The following ZNRF1 variants were observed in gnomAD, a reference collection of about 807,000 sequenced individuals.
ZNRF1 encodes zinc and ring finger 1, also known as E3 ubiquitin-protein ligase ZNRF1.
A neutral mutation model predicts 18.4 loss-of-function variants in ZNRF1; 3 were observed. That is an observed-to-expected ratio of 0.16 (90% CI 0.07 to 0.42). ZNRF1 has a LOEUF of 0.42. ZNRF1 is among the 10% of genes least tolerant of loss of function. ZNRF1 has a pLI of 0.99. For missense variants in ZNRF1, 310 were observed against 329.8 expected (o/e 0.94, Z 0.47); for synonymous variants, 157 against 144.2 (o/e 1.09, Z -0.64).
rs1203199183 is a variant in ZNRF1 at position 75,085,803 on chromosome 16, A to AGAGAGAGAGG, written c.425-7760_425-7759insGGAGAGAGAG. Among the ~76,000 whole-genome samples, 13 of 146,918 alleles carry AGAGAGAGAGG rather than the reference A, an allele frequency of 8.8e-5. 1 individual carries two copies. Among genetic ancestry groups the AGAGAGAGAGG allele is most frequent in the East Asian group, 7.8e-4 (4 of 5,128 alleles). On this transcript the variant is annotated intron_variant, in intron 1 of 4. Coordinates refer to ENST00000335325, the MANE Select transcript of ZNRF1 (RefSeq NM_032268.5). ...AGATCCGACAGAGTGAGAGAGAGAG[A>AGAGAGAGAGG]GAGAGAGAGAGAGAGTGAGTGTGTG...
At chr16:75,107,143 C>T (rs989867572) in intron 4 of ZNRF1, 5 of 175,034 alleles carry the variant, frequency 2.9e-5, no homozygotes, top group African/African-American at 9.6e-5. Context: ...TCCCACAGCA[C>T]TGGGTGCTGA....
intron 1 of ZNRF1, among the ~76,000 whole-genome samples, chr16:75,090,984 C>G (rs2036130994): frequency 2.0e-5 from 3 of 152,126 alleles, no homozygotes; most frequent in African/African-American, 4.8e-5. Context: ...CTCCTGAGCT[C>G]AAGTGATTTC....
chr16:75,013,951 T>C (rs888861121), intron 1 of ZNRF1, among the ~76,000 whole-genome samples: 4 of 152,042 alleles, frequency 2.6e-5, no homozygotes, highest in African/African-American at 9.7e-5. Flanking sequence ...TGCCTCAGCC[T>C]CCCGAGTAGT....
chr16:75,107,295 T>C (rs1358804795), intron 4 of ZNRF1: 3 of 180,506 alleles, frequency 1.7e-5, no homozygotes, highest in Non-Finnish European at 3.6e-5. Flanking sequence ...TTCCTTTTTC[T>C]GGCAAACAAG....
At chr16:75,056,933 G>A (rs927756835) in intron 1 of ZNRF1, among the ~76,000 whole-genome samples, 3 of 151,370 alleles carry the variant, frequency 2.0e-5, no homozygotes, top group African/African-American at 4.8e-5. Context: ...CACTGCGCCT[G>A]GTCAGGAAAA....
intron 1 of ZNRF1, among the ~76,000 whole-genome samples, chr16:75,074,567 G>C (rs917532879): frequency 6.6e-6 from 1 of 152,202 alleles, no homozygotes; most frequent in Non-Finnish European, 1.5e-5. Flanking sequence ...TTCAATCCCA[G>C]GCAAGTTTGA....
At chr16:75,086,347 C>T (rs1567491344) in intron 1 of ZNRF1, among the ~76,000 whole-genome samples, 1 of 152,194 alleles carries the variant, frequency 6.6e-6, no homozygotes, top group Non-Finnish European at 1.5e-5. Context: ...TGAGAAATTT[C>T]TGGGGAAACA....
chr16:75,026,610 C>A (rs113429206), intron 1 of ZNRF1, among the ~76,000 whole-genome samples: 7,452 of 152,208 alleles, frequency 0.049, 587 homozygotes, highest in African/African-American at 0.17. Context: ...AAAATATATA[C>A]AACAAAGTAG....
intron 2 of ZNRF1, chr16:75,095,488 C>A: frequency 1.7e-6 from 2 of 1,188,606 alleles, no homozygotes; most frequent in Non-Finnish European, 2.3e-6. Context: ...CTAGCCATGG[C>A]CTCAAAAACC....
At chr16:75,086,766 C>A (rs1381518349) in intron 1 of ZNRF1, among the ~76,000 whole-genome samples, 2 of 152,174 alleles carry the variant, frequency 1.3e-5, no homozygotes, top group African/African-American at 2.4e-5. Flanking sequence ...TCAAGGGGCA[C>A]GCGCTCTCTG....
chr16:75,055,917 G>C (rs1315316734), intron 1 of ZNRF1, among the ~76,000 whole-genome samples: 2 of 152,282 alleles, frequency 1.3e-5, no homozygotes, highest in Non-Finnish European at 2.9e-5. Flanking sequence ...CAATGTTTCT[G>C]TTCCAGTATT....
At position 74,999,671 on chromosome 16, in the gene ZNRF1, C is replaced by A; in HGVS notation, c.-1C>A. 7.5e-7 allele frequency: 1 copy of A among 1,339,626 alleles called. No individual in the cohort carries two copies. Among genetic ancestry groups the A allele is most frequent in the Non-Finnish European group, 9.5e-7 (1 of 1,051,546 alleles). 83.0% of individuals were successfully genotyped at this position (1,339,626 alleles called of 1,614,324 possible). A position where few individuals can be genotyped will look rare whatever the true frequency, so the allele number is the denominator to read the frequency against. On this transcript the variant is annotated 5_prime_UTR_variant, in exon 1 of 5. Coordinates refer to ENST00000335325, the MANE Select transcript of ZNRF1 (RefSeq NM_032268.5). ...CCCGCCCCACCGGGGCCCGGGCGAG[C>A]ATGGGGGGCAAGCAGAGCACGGCGG...
chr16:75,070,832 C>T (rs1444243567), intron 1 of ZNRF1, among the ~76,000 whole-genome samples: 3 of 152,130 alleles, frequency 2.0e-5, no homozygotes. Context: ...GTGTGGGAGC[C>T]GCCCATCTTG....
chr16:75,072,753 C>G (rs143626653), intron 1 of ZNRF1, among the ~76,000 whole-genome samples: 140 of 150,252 alleles, frequency 9.3e-4, no homozygotes, highest in Admixed American at 2.0e-3. Flanking sequence ...TGAACCCCTC[C>G]TTTTGCAAGT....
intron 1 of ZNRF1, among the ~76,000 whole-genome samples, chr16:75,047,690 A>G (rs1243660191): frequency 5.9e-5 from 9 of 152,072 alleles, no homozygotes; most frequent in Non-Finnish European, 1.2e-4. Context: ...AATATAGATA[A>G]TCATATCACA....
At chr16:75,006,168 GACC>G (rs1278470711) in intron 1 of ZNRF1, among the ~76,000 whole-genome samples, 15 of 152,140 alleles carry the variant, frequency 9.9e-5, no homozygotes, top group African/African-American at 3.6e-4. Flanking sequence ...GACCTCCATT[GACC>G]ACGGGTAACT....
chr16:75,017,769 G>A (rs2035090910), intron 1 of ZNRF1, among the ~76,000 whole-genome samples: 1 of 152,334 alleles, frequency 6.6e-6, no homozygotes, highest in Admixed American at 6.5e-5. Flanking sequence ...TTCTTAGACA[G>A]TTGTAGGGTA....
intron 1 of ZNRF1, among the ~76,000 whole-genome samples, chr16:75,032,048 TGTG>T (rs1186383736): frequency 2.0e-5 from 3 of 151,940 alleles, no homozygotes; most frequent in Non-Finnish European, 4.4e-5. Flanking sequence ...GTGGTTCTGA[TGTG>T]GTATCATTAT....
At chr16:75,030,737 G>A (rs531376039) in intron 1 of ZNRF1, among the ~76,000 whole-genome samples, 1 of 151,892 alleles carries the variant, frequency 6.6e-6, no homozygotes, top group East Asian at 1.9e-4. Flanking sequence ...ATATAAATGG[G>A]ATAATATATA....
Sources: gnomAD v4.1 joint callset for allele counts (sites outside exome capture counted in the v4.1 genomes callset) on GRCh38, gnomAD v4.1.1 for gene constraint, MANE v1.5 for transcripts, NCBI Gene and HGNC (gene_info 2026-07-23, HGNC 2026-07-21) for gene names.